The following ETV6 variants were observed in gnomAD, a reference collection of about 807,000 sequenced individuals.
ETV6 encodes transcription factor ETV6.
A neutral mutation model predicts 51.1 loss-of-function variants in ETV6; 16 were observed. That is an observed-to-expected ratio of 0.31 (90% CI 0.21 to 0.48). The LOEUF (loss-of-function observed/expected upper bound fraction) is 0.48, where lower values mean the gene tolerates loss of function less well. Ranked by LOEUF, ETV6 falls within the 20% of genes least tolerant of loss-of-function variation. The pLI, the probability that ETV6 is intolerant of heterozygous loss-of-function variation, is 0.99. For synonymous variants in ETV6, 240 were observed against 224.1 expected (o/e 1.07, Z -0.64); for missense variants, 458 against 594.8 (o/e 0.77, Z 2.39).
chr12:11,756,125 C>T (rs1555124403), intron 2 of ETV6, among the ~76,000 whole-genome samples: 1 of 152,064 alleles, frequency 6.6e-6, no homozygotes, highest in Non-Finnish European at 1.5e-5. Flanking sequence ...TTTTATTTGC[C>T]AGTGATAAAA....
chr12:11,889,651 T>C (rs189764638), intron 7 of ETV6, among the ~76,000 whole-genome samples: 37 of 152,246 alleles, frequency 2.4e-4, no homozygotes, highest in Non-Finnish European at 4.1e-4. Flanking sequence ...TGGGAGAGCA[T>C]GCGCCATGAT....
chr12:11,666,891 G>A (rs908441129), intron 1 of ETV6, among the ~76,000 whole-genome samples: 4 of 152,164 alleles, frequency 2.6e-5, no homozygotes, highest in African/African-American at 4.8e-5. Flanking sequence ...CAGTCTCCAC[G>A]AGGCTTCTCT....
At chr12:11,720,882 CAAT>C (rs1433577679) in intron 1 of ETV6, among the ~76,000 whole-genome samples, 1 of 151,978 alleles carries the variant, frequency 6.6e-6, no homozygotes, top group African/African-American at 2.4e-5. Flanking sequence ...GGCAAAAAAA[CAAT>C]AACTCCATTA....
chr12:11,766,278 G>C (rs1235129417), intron 2 of ETV6, among the ~76,000 whole-genome samples: 1 of 152,196 alleles, frequency 6.6e-6, no homozygotes, highest in Non-Finnish European at 1.5e-5. Context: ...TGAAGCAAAG[G>C]AATTTCCTGT....
chr12:11,751,846 G>A, intron 1 of ETV6: 1 of 509,820 alleles, frequency 2.0e-6, no homozygotes, highest in Admixed American at 2.0e-5. Context: ...AGCAATGAAG[G>A]AAAAAATTAG....
intron 1 of ETV6, among the ~76,000 whole-genome samples, chr12:11,724,978 A>C (rs1465292376): frequency 9.9e-5 from 15 of 152,136 alleles, no homozygotes; most frequent in South Asian, 2.1e-4. Flanking sequence ...AGGTTCTCCA[A>C]ATTTGCATTT....
chr12:11,787,933 G>T (rs1461783776), intron 2 of ETV6, among the ~76,000 whole-genome samples: 1 of 152,150 alleles, frequency 6.6e-6, no homozygotes, highest in Non-Finnish European at 1.5e-5. Flanking sequence ...TAAGCAATCT[G>T]TTTTCATTCT....
At chr12:11,717,789 G>C (rs139268701) in intron 1 of ETV6, among the ~76,000 whole-genome samples, 3 of 152,080 alleles carry the variant, frequency 2.0e-5, no homozygotes, top group African/African-American at 7.2e-5. Context: ...TTTGTACCCA[G>C]AGACACTCTA....
chr12:11,719,871 G>C (rs1210909683), intron 1 of ETV6, among the ~76,000 whole-genome samples: 1 of 152,198 alleles, frequency 6.6e-6, no homozygotes. Context: ...CACTGAGATA[G>C]GAAGCGGTCC....
chr12:11,815,858 G>T (rs1037280883), intron 2 of ETV6, among the ~76,000 whole-genome samples: 7 of 152,092 alleles, frequency 4.6e-5, no homozygotes, highest in Non-Finnish European at 1.0e-4. Context: ...GTTATTGAAG[G>T]GTTTAAAACT....
intron 2 of ETV6, among the ~76,000 whole-genome samples, chr12:11,763,920 C>T (rs532460487): frequency 3.3e-5 from 5 of 152,296 alleles, no homozygotes; most frequent in African/African-American, 9.6e-5. Context: ...TTATAGTTGA[C>T]TGTGAACGGG....
chr12:11,773,206 A>G (rs1483335740), intron 2 of ETV6, among the ~76,000 whole-genome samples: 8 of 149,274 alleles, frequency 5.4e-5, no homozygotes, highest in South Asian at 2.2e-4. Context: ...AAAAAAAAAA[A>G]AAAAAATGAA....
intron 1 of ETV6, among the ~76,000 whole-genome samples, chr12:11,678,101 ATAAAT>A (rs1422894414): frequency 1.3e-5 from 2 of 152,224 alleles, no homozygotes; most frequent in Non-Finnish European, 2.9e-5. Context: ...CTGTTGCTGA[ATAAAT>A]TAAAGAACAA....
intron 6 of ETV6, 85 bp downstream of exon 6, chr12:11,884,672 C>A: frequency 6.5e-7 from 1 of 1,532,194 alleles, no homozygotes; most frequent in Non-Finnish European, 8.9e-7. Flanking sequence ...CGTCTGTCTT[C>A]TGCTTTTTAC....
chr12:11,841,272 G>A (rs1047050220), intron 3 of ETV6, among the ~76,000 whole-genome samples: 4 of 152,216 alleles, frequency 2.6e-5, no homozygotes, highest in Non-Finnish European at 5.9e-5. Flanking sequence ...GGTGGGCCAT[G>A]TGGAAGATGG....
At chr12:11,763,271 A>G (rs763232582) in intron 2 of ETV6, among the ~76,000 whole-genome samples, 5 of 152,130 alleles carry the variant, frequency 3.3e-5, no homozygotes, top group Admixed American at 6.5e-5. Flanking sequence ...TCGTTCCCCT[A>G]TTTACAACTC....
intron 5 of ETV6, among the ~76,000 whole-genome samples, chr12:11,870,296 C>G (rs1401998031): frequency 6.6e-6 from 1 of 152,136 alleles, no homozygotes; most frequent in East Asian, 1.9e-4. Flanking sequence ...TGGCCCTGTC[C>G]TGAAGTTTCC....
rs1344732484 is a variant in ETV6, at chr12:11,804,884, A to C, written c.164-34256A>C. On this transcript the variant is annotated intron_variant, in intron 2 of 7. Transcript: ENST00000396373. Reference sequence around the variant, plus strand: ...CAGAGTCTTTTCTTTTGGGAAGGCAAGTTTGTCCAAAAAGAAATCCTGTGG... The same window carrying C: ...CAGAGTCTTTTCTTTTGGGAAGGCACGTTTGTCCAAAAAGAAATCCTGTGG... Among the ~76,000 whole-genome samples the C allele has an allele frequency of 5.9e-5, 9 of 152,226 alleles. No homozygotes were observed. The East Asian group carries it at 1.5e-3, about 26-fold the overall frequency.
intron 1 of ETV6, among the ~76,000 whole-genome samples, chr12:11,687,930 G>C (rs1259543317): frequency 6.6e-6 from 1 of 152,216 alleles, no homozygotes; most frequent in African/African-American, 2.4e-5. Flanking sequence ...AGTGCTTCCC[G>C]TGTGCTAAGT....
Sources: allele counts gnomAD v4.1 joint callset (sites outside exome capture counted in the v4.1 genomes callset), GRCh38; gene constraint gnomAD v4.1.1; transcripts MANE v1.5; gene names NCBI Gene and HGNC (gene_info 2026-07-23, HGNC 2026-07-21).